Variants in TAF4B observed in about 807,000 individuals in gnomAD.
The protein encoded by TAF4B is TATA-box binding protein associated factor 4b.
In TAF4B, 38 loss-of-function variants were observed where a neutral mutation model predicts 86.4. The observed-to-expected ratio is 0.44, with a 90% confidence interval of 0.34 to 0.58. The LOEUF is 0.58. Ranked by LOEUF, TAF4B falls within the 20% of genes least tolerant of loss-of-function variation. TAF4B has a pLI of 0.02. For missense variants in TAF4B, 988 were observed against 1,027.6 expected (o/e 0.96, Z 0.53); for synonymous variants, 388 against 391.2 (o/e 0.99, Z 0.10).
At chr18:26,266,861 C>T (rs981544687) in intron 2 of TAF4B, 3 of 138,536 alleles carry the variant, frequency 2.2e-5, no homozygotes, top group African/African-American at 3.2e-5. Flanking sequence ...GACTCTGTCT[C>T]AAAACAAAAC....
chr18:26,319,146 A>T, intron 10 of TAF4B, among the ~76,000 whole-genome samples: 1 of 152,068 alleles, frequency 6.6e-6, no homozygotes, highest in East Asian at 1.9e-4. Flanking sequence ...GTGGGCTATG[A>T]TTGCTCCACT....
intron 5 of TAF4B, among the ~76,000 whole-genome samples, chr18:26,281,491 T>C (rs1000088342): frequency 1.3e-5 from 2 of 152,188 alleles, no homozygotes; most frequent in Admixed American, 1.3e-4. Flanking sequence ...TGGCATCAAG[T>C]TATTTTGGAA....
intron 11 of TAF4B, among the ~76,000 whole-genome samples, chr18:26,322,922 G>A (rs533096132): frequency 6.6e-6 from 1 of 151,564 alleles, no homozygotes; most frequent in African/African-American, 2.4e-5. Context: ...CATAAGTTTT[G>A]GTATGTTGTG....
At chr18:26,287,952 GA>G (rs944587060) in intron 7 of TAF4B, among the ~76,000 whole-genome samples, 1 of 152,192 alleles carries the variant, frequency 6.6e-6, no homozygotes, top group Admixed American at 6.5e-5. Context: ...TTCAAGTGGG[GA>G]AATGTAACTG....
chr18:26,271,766 A>T (rs917593480), intron 3 of TAF4B, among the ~76,000 whole-genome samples: 4 of 151,986 alleles, frequency 2.6e-5, no homozygotes, highest in South Asian at 2.1e-4. Flanking sequence ...TCTACTAAAC[A>T]TTCAAAAATG....
chr18:26,351,420 C>G (rs973725376), intron 13 of TAF4B, among the ~76,000 whole-genome samples: 3 of 152,034 alleles, frequency 2.0e-5, no homozygotes, highest in African/African-American at 7.2e-5. Context: ...AAAATTACAG[C>G]TAGATAGGAG....
intron 6 of TAF4B, among the ~76,000 whole-genome samples, chr18:26,282,874 G>A (rs1345629223): frequency 1.3e-5 from 2 of 152,184 alleles, no homozygotes; most frequent in African/African-American, 2.4e-5. Context: ...CATTTGACCA[G>A]GGGTAGACTC....
chr18:26,286,342 C>A lies in TAF4B; in HGVS notation c.1433C>A (p.Ala478Asp), dbSNP rs1223670623. The change falls in exon 7 of 15, where the codon GCT becomes GAT. Residue 478 changes from alanine to aspartate, a missense_variant. Coordinates refer to ENST00000269142, the MANE Select transcript of TAF4B (RefSeq NM_005640.3). ...ACTTTTGGAGAAACTTCAGGTGCAG[C>A]TATTTGTCTTCCATCTGTGAAACCT... Reference protein sequence around the residue: ...AVTFGETSGAAICLPSVKPVV... With the variant: ...AVTFGETSGADICLPSVKPVV... 1 of 1,614,220 alleles carries A rather than the reference C, an allele frequency of 6.2e-7. No homozygotes were observed. Among genetic ancestry groups the A allele is most frequent in the African/African-American group, 1.3e-5 (1 of 75,064 alleles).
chr18:26,374,168 G>C (rs1177304666), intron 14 of TAF4B, among the ~76,000 whole-genome samples: 10 of 152,040 alleles, frequency 6.6e-5, no homozygotes, highest in Admixed American at 6.5e-4. Context: ...GTGTGTTAAT[G>C]GTGTTTTATA....
chr18:26,277,813 A>C (rs770872081), intron 5 of TAF4B, among the ~76,000 whole-genome samples: 1 of 152,204 alleles, frequency 6.6e-6, no homozygotes, highest in Non-Finnish European at 1.5e-5. Flanking sequence ...CAGATCTTTC[A>C]AATGTTTCCA....
At chr18:26,268,859 A>G (rs555459709) in intron 3 of TAF4B, among the ~76,000 whole-genome samples, 64 of 152,218 alleles carry the variant, frequency 4.2e-4, no homozygotes, top group Non-Finnish European at 7.4e-4. Flanking sequence ...GTCTCACTCT[A>G]TCACCTAGGC....
chr18:26,289,310 T>TA (rs2056564256), intron 7 of TAF4B, among the ~76,000 whole-genome samples: 1 of 152,216 alleles, frequency 6.6e-6, no homozygotes, highest in Non-Finnish European at 1.5e-5. Context: ...TTATAAGAAA[T>TA]ATGGCAAATA....
At chr18:26,361,899 T>G (rs1158642387) in intron 14 of TAF4B, among the ~76,000 whole-genome samples, 2 of 152,156 alleles carry the variant, frequency 1.3e-5, no homozygotes, top group Admixed American at 6.5e-5. Flanking sequence ...ATATTTTATT[T>G]AAATTGGGGT....
At chr18:26,239,054 G>A (rs1250867889) in intron 1 of TAF4B, among the ~76,000 whole-genome samples, 1 of 152,206 alleles carries the variant, frequency 6.6e-6, no homozygotes, top group Non-Finnish European at 1.5e-5. Context: ...AAACACACAT[G>A]TGCGTGTGTC....
At chr18:26,281,354 G>A (rs1211719242) in intron 5 of TAF4B, among the ~76,000 whole-genome samples, 8 of 152,008 alleles carry the variant, frequency 5.3e-5, no homozygotes, top group Non-Finnish European at 1.2e-4. Flanking sequence ...GATGTTCTCT[G>A]TCACCGCACA....
chr18:26,341,350 A>T (rs543248500), intron 13 of TAF4B, among the ~76,000 whole-genome samples: 1 of 152,290 alleles, frequency 6.6e-6, no homozygotes, highest in African/African-American at 2.4e-5. Flanking sequence ...TCTTAGATTT[A>T]GGTTTGAGAT....
In TAF4B at chr18:26,341,134, C is replaced by A. The variant is rs545149632; in HGVS notation, c.2316+5903C>A. On this transcript the variant is annotated intron_variant, in intron 13 of 14. Transcript: ENST00000269142. Reference sequence around the variant, plus strand: ...TAGCATTGAACTGGAAGTAAAGTATCTTGGATTCTAGATTCAGGCTGCCAT... The same window carrying A: ...TAGCATTGAACTGGAAGTAAAGTATATTGGATTCTAGATTCAGGCTGCCAT... 3.9e-5 allele frequency among the ~76,000 whole-genome samples: 6 copies of A among 152,116 alleles called. No individual in the cohort carries two copies. The South Asian group carries it at 1.2e-3, about 32-fold the overall frequency.
At chr18:26,372,653 T>A (rs1393207729) in intron 14 of TAF4B, among the ~76,000 whole-genome samples, 1 of 152,088 alleles carries the variant, frequency 6.6e-6, no homozygotes, top group African/African-American at 2.4e-5. Context: ...GTTAATACCA[T>A]GCTGATTGAC....
At chr18:26,300,307 TTTATTATTA>T (rs57272091) in intron 9 of TAF4B, among the ~76,000 whole-genome samples, 13 of 145,396 alleles carry the variant, frequency 8.9e-5, no homozygotes, top group African/African-American at 1.3e-4. Flanking sequence ...AATGTAGGCA[TTTATTATTA>T]TTATTATTAT....
Sources: allele counts gnomAD v4.1 joint callset (sites outside exome capture counted in the v4.1 genomes callset), GRCh38; gene constraint gnomAD v4.1.1; transcripts MANE v1.5; gene names NCBI Gene and HGNC (gene_info 2026-07-23, HGNC 2026-07-21).